RALY: variants seen among roughly 807,000 people sequenced by gnomAD.
The protein encoded by RALY is RALY heterogeneous nuclear ribonucleoprotein, also known as RNA-binding protein Raly.
Under a neutral mutation model 30.7 loss-of-function variants are expected in RALY, and 15 were observed. That is an observed-to-expected ratio of 0.49 (90% confidence interval 0.33 to 0.75). RALY has a LOEUF of 0.75. Among genes scored for constraint, RALY ranks in the 30% least tolerant of loss-of-function variants. RALY has a pLI of 0.02. For synonymous variants in RALY, 177 were observed against 170.8 expected, an observed-to-expected ratio of 1.04 and a Z score of -0.28; for missense variants, 339 against 414.3, an observed-to-expected ratio of 0.82 and a Z score of 1.58.
At chr20:34,059,455 G>A (rs1425273111) in intron 2 of RALY, among the ~76,000 whole-genome samples, 1 of 152,154 alleles carries the variant, frequency 6.6e-6, no homozygotes, top group Admixed American at 6.5e-5. Flanking sequence ...ATGCTTACGT[G>A]GCACATGTCA....
chr20:34,051,812 T>C (rs1184573067), intron 2 of RALY, among the ~76,000 whole-genome samples: 2 of 152,150 alleles, frequency 1.3e-5, no homozygotes, highest in Non-Finnish European at 1.5e-5. Flanking sequence ...TCACCGTGTT[T>C]GCCAGGATGG....
chr20:34,077,294 C>T, intron 8 of RALY, 49 bp downstream of exon 8: 2 of 1,606,660 alleles, frequency 1.2e-6, no homozygotes, highest in Non-Finnish European at 1.7e-6. Context: ...TGCTCCTACT[C>T]TCAGGAGGCC....
chr20:34,026,121 T>A (rs2032024733), intron 1 of RALY, among the ~76,000 whole-genome samples: 1 of 151,912 alleles, frequency 6.6e-6, no homozygotes, highest in Admixed American at 6.6e-5. Flanking sequence ...CTCTGCAGGC[T>A]TCAGCTTAAA....
chr20:34,058,657 T>C (rs2033327726), intron 2 of RALY, among the ~76,000 whole-genome samples: 1 of 152,186 alleles, frequency 6.6e-6, no homozygotes, highest in South Asian at 2.1e-4. Context: ...CTCTCTGCAC[T>C]AGGGTTTGCC....
chr20:34,047,260 C>A (rs887890410), intron 2 of RALY, among the ~76,000 whole-genome samples: 3 of 152,174 alleles, frequency 2.0e-5, no homozygotes, highest in Non-Finnish European at 2.9e-5. Flanking sequence ...TGGGCTGGCC[C>A]TGTGTGACTT....
intron 6 of RALY, 109 bp from the exon 7 acceptor site, chr20:34,076,593 A>G (rs2122318817): frequency 9.8e-7 from 1 of 1,021,196 alleles, no homozygotes; most frequent in Admixed American, 2.6e-5. Context: ...AAAACAAAAC[A>G]AAACAAAAAA....
intron 2 of RALY, among the ~76,000 whole-genome samples, chr20:34,050,772 A>G (rs2033052003): frequency 6.6e-6 from 1 of 152,168 alleles, no homozygotes; most frequent in African/African-American, 2.4e-5. Context: ...CCTATTTCCC[A>G]GCCATGTTCC....
chr20:34,068,188 G>T (rs1237212399), intron 2 of RALY, among the ~76,000 whole-genome samples: 1 of 151,984 alleles, frequency 6.6e-6, no homozygotes, highest in Admixed American at 6.6e-5. Flanking sequence ...GGACCCCTGG[G>T]GGCTGCAGAC....
intron 9 of RALY, among the ~76,000 whole-genome samples, chr20:34,079,453 A>T (rs1388295144): frequency 6.6e-6 from 1 of 152,174 alleles, no homozygotes; most frequent in African/African-American, 2.4e-5. Context: ...TGGGTGGAGG[A>T]AGGTCTCAAA....
chr20:34,013,230 AAAAC>A (rs776083986), intron 1 of RALY, among the ~76,000 whole-genome samples: 28 of 151,864 alleles, frequency 1.8e-4, no homozygotes, highest in African/African-American at 5.1e-4. Flanking sequence ...TCTCTTTTTT[AAAAC>A]AAACAAACAA....
intron 2 of RALY, among the ~76,000 whole-genome samples, chr20:34,034,910 TG>T (rs2123110899): frequency 6.6e-6 from 1 of 152,148 alleles, no homozygotes; most frequent in Non-Finnish European, 1.5e-5. Context: ...CCCAGCACTT[TG>T]GGAGGCCGAG....
chr20:34,024,301 G>A (rs1054204972), intron 1 of RALY, among the ~76,000 whole-genome samples: 8 of 152,186 alleles, frequency 5.3e-5, no homozygotes, highest in African/African-American at 1.9e-4. Context: ...TCAAGAGGGG[G>A]AAGGGGAACC....
At chr20:34,024,748 T>G (rs888706873) in intron 1 of RALY, among the ~76,000 whole-genome samples, 16 of 152,134 alleles carry the variant, frequency 1.1e-4, no homozygotes, top group African/African-American at 3.9e-4. Context: ...GGCTGCATTT[T>G]TTATTATGTT....
intron 2 of RALY, among the ~76,000 whole-genome samples, chr20:34,063,536 G>T (rs956677643): frequency 6.6e-6 from 1 of 152,174 alleles, no homozygotes; most frequent in African/African-American, 2.4e-5. Context: ...GATTACAAGA[G>T]ATTATGCCTG....
chr20:34,029,667 A>G (rs2032195835), intron 1 of RALY, among the ~76,000 whole-genome samples: 1 of 152,156 alleles, frequency 6.6e-6, no homozygotes, highest in Non-Finnish European at 1.5e-5. Context: ...TCTCTGAATC[A>G]TGGAGGCTGG....
At chr20:34,063,246 CAT>C (rs2033467987) in intron 2 of RALY, among the ~76,000 whole-genome samples, 1 of 152,202 alleles carries the variant, frequency 6.6e-6, no homozygotes, top group Non-Finnish European at 1.5e-5. Context: ...ATCATGATCA[CAT>C]GTTTGGGCCT....
intron 1 of RALY, among the ~76,000 whole-genome samples, chr20:34,011,163 G>T (rs1274990373): frequency 6.6e-6 from 1 of 151,846 alleles, no homozygotes; most frequent in Non-Finnish European, 1.5e-5. Context: ...TATTATAACT[G>T]GTAATTTAAA....
At chr20:33,995,638 G>A (rs1045507319) in intron 1 of RALY, among the ~76,000 whole-genome samples, 3 of 152,132 alleles carry the variant, frequency 2.0e-5, no homozygotes, top group East Asian at 1.9e-4. Context: ...AGTCTGGTAC[G>A]TCTGTGGTGC....
At chr20:34,071,232 A>G (rs1601505844) in intron 2 of RALY, among the ~76,000 whole-genome samples, 1 of 152,124 alleles carries the variant, frequency 6.6e-6, no homozygotes, top group African/African-American at 2.4e-5. Flanking sequence ...CCTTTTCAAA[A>G]TGGTTGGTAG....
Sources: gnomAD v4.1 joint callset for allele counts (sites outside exome capture counted in the v4.1 genomes callset) on GRCh38, gnomAD v4.1.1 for gene constraint, MANE v1.5 for transcripts, NCBI Gene and HGNC (gene_info 2026-07-23, HGNC 2026-07-21) for gene names.